The following FBN2 variants were observed in gnomAD, a reference collection of about 807,000 sequenced individuals.
FBN2 encodes the protein fibrillin-2.
A neutral mutation model predicts 355.6 loss-of-function variants in FBN2; 105 were observed. The ratio of observed to expected loss-of-function variants is 0.30; its 90% CI spans 0.25 to 0.35. FBN2 has a LOEUF of 0.35. Ranked by LOEUF, FBN2 falls within the 10% of genes least tolerant of loss-of-function variation. The probability of loss-of-function intolerance (pLI) is 1.00; values close to 1 mark genes in which losing one functional copy is unlikely to be tolerated. For missense variants in FBN2, 3,280 were observed against 3,758.7 expected (o/e 0.87, Z 3.33); for synonymous variants, 1,350 against 1,301.2 (o/e 1.04, Z -0.81).
At chr5:128,347,475 T>C (rs1751214418) in intron 23 of FBN2, among the ~76,000 whole-genome samples, 3 of 152,218 alleles carry the variant, frequency 2.0e-5, no homozygotes, top group Non-Finnish European at 4.4e-5. Flanking sequence ...GGATGGTCCA[T>C]GTTCTCTGAA....
chr5:128,514,618 T>C (rs1756230487), intron 5 of FBN2, among the ~76,000 whole-genome samples: 1 of 152,178 alleles, frequency 6.6e-6, no homozygotes, highest in Non-Finnish European at 1.5e-5. Flanking sequence ...TCTTGTATAT[T>C]CTAATTTGTA....
chr5:128,330,517 CAT>C, intron 33 of FBN2, 54 bp downstream of exon 33: 3 of 1,593,004 alleles, frequency 1.9e-6, no homozygotes, highest in Non-Finnish European at 2.6e-6. Flanking sequence ...AATAAGGAAG[CAT>C]ATAGAGTGTT....
At chr5:128,421,379 A>G (rs977919664) in intron 7 of FBN2, among the ~76,000 whole-genome samples, 1 of 152,194 alleles carries the variant, frequency 6.6e-6, no homozygotes, top group African/African-American at 2.4e-5. Flanking sequence ...TGGGAGAGAA[A>G]AGAATACATG....
chr5:128,306,530 G>A (rs992512748), intron 42 of FBN2, among the ~76,000 whole-genome samples: 3 of 152,116 alleles, frequency 2.0e-5, no homozygotes, highest in Non-Finnish European at 2.9e-5. Context: ...GCTGAGGCAG[G>A]AGAATCACTT....
chr5:128,491,303 G>C (rs1755497780), intron 5 of FBN2, among the ~76,000 whole-genome samples: 1 of 152,188 alleles, frequency 6.6e-6, no homozygotes, highest in African/African-American at 2.4e-5. Context: ...TTCTTCATCA[G>C]ACAACTTTTC....
At chr5:128,411,943 T>G (rs968787111) in intron 7 of FBN2, among the ~76,000 whole-genome samples, 3 of 152,348 alleles carry the variant, frequency 2.0e-5, no homozygotes, top group African/African-American at 7.2e-5. Flanking sequence ...TTTGGAAGTA[T>G]TATATCCACA....
intron 6 of FBN2, among the ~76,000 whole-genome samples, chr5:128,464,296 T>C (rs1430683434): frequency 6.6e-6 from 1 of 152,162 alleles, no homozygotes; most frequent in Non-Finnish European, 1.5e-5. Context: ...TTAATAATGA[T>C]AGAGGGCCAA....
chr5:128,409,813 T>G (rs1268369018), intron 7 of FBN2, among the ~76,000 whole-genome samples: 1 of 152,150 alleles, frequency 6.6e-6, no homozygotes, highest in African/African-American at 2.4e-5. Context: ...CATTTATTCT[T>G]TTAAAATGTC....
At chr5:128,344,349 C>T (rs779114138) in intron 25 of FBN2, 36 bp downstream of exon 25, 135 of 1,611,776 alleles carry the variant, frequency 8.4e-5, no homozygotes, top group Non-Finnish European at 1.1e-4. Flanking sequence ...GAAAGACAGC[C>T]AGAGTTTATC....
chr5:128,446,210 A>T lies in FBN2; in HGVS notation c.952+271T>A, dbSNP rs181566088. 1.1e-3 allele frequency: 369 copies of T among 324,906 alleles called. 1 individual carries two copies. Among genetic ancestry groups the T allele is most frequent in the African/African-American group, 7.2e-3 (343 of 47,670 alleles). 20.1% of individuals were successfully genotyped at this position (324,906 alleles called of 1,614,324 possible). ...AGTGAAATGGAAACCTACTTTATTAAGAAGAAACATAAATGGCTGGATTAC... is the reference window on the plus strand; with the variant it reads ...AGTGAAATGGAAACCTACTTTATTATGAAGAAACATAAATGGCTGGATTAC... On this transcript the variant is annotated intron_variant, in intron 7 of 64. Coordinates refer to ENST00000262464, the MANE Select transcript of FBN2 (RefSeq NM_001999.4).
rs568866810 is a variant in FBN2 at position 128,482,068 on chromosome 5, A to G, written c.629-17147T>C. Among the ~76,000 whole-genome samples, 26 of 152,306 alleles carry G rather than the reference A, an allele frequency of 1.7e-4. No individual in the cohort carries two copies. In the East Asian group the frequency reaches 4.2e-3, roughly 25 times the overall value. ...CTGAGATCCATAGGATTGTTCTAAC[A>G]TTGTTTTCAATATTGCTTCCTTTTC... On this transcript the variant is annotated intron_variant, in intron 5 of 64. Coordinates refer to ENST00000262464, the MANE Select transcript of FBN2 (RefSeq NM_001999.4).
In FBN2 at chr5:128,409,186, G is replaced by GA. The variant is rs1753006295; in HGVS notation, c.953-388dup. On this transcript the variant is annotated intron_variant, in intron 7 of 64. Transcript: ENST00000262464. ...TTTAAAATATAGAATAACTGTATTT[G>GA]AAAATGTATAACTAATTTTCACACT... Among the ~76,000 whole-genome samples, 5 of 152,244 alleles carry GA rather than the reference G, an allele frequency of 3.3e-5. No individual in the cohort carries two copies. The South Asian group carries it at 1.0e-3, about 32-fold the overall frequency.
chr5:128,302,922 C>T, intron 46 of FBN2, 51 bp downstream of exon 46: 1 of 1,037,474 alleles, frequency 9.6e-7, no homozygotes, highest in Non-Finnish European at 1.5e-6. Flanking sequence ...TATTTCAGCA[C>T]ATTGTGTGGA....
chr5:128,309,838 T>C, intron 40 of FBN2, 145 bp downstream of exon 40: 7 of 935,830 alleles, frequency 7.5e-6, no homozygotes, highest in South Asian at 6.9e-5. Context: ...AACTTGATAC[T>C]AAGCCAGCAG....
chr5:128,503,846 T>C (rs1292430587), intron 5 of FBN2, among the ~76,000 whole-genome samples: 2 of 152,050 alleles, frequency 1.3e-5, no homozygotes, highest in Non-Finnish European at 2.9e-5. Flanking sequence ...ATGGGAAAAA[T>C]GTCTCCAGGG....
rs1364205628 is a variant in FBN2, at chr5:128,416,017, T to C, written c.953-7218A>G. ...TATGACTTCTTCTGAGAAATGTCCA[T>C]AGTTTGCACTTTTTTTTTTTTTTTT... On this transcript the variant is annotated intron_variant, in intron 7 of 64. Coordinates refer to ENST00000262464, the MANE Select transcript of FBN2 (RefSeq NM_001999.4). 3.3e-5 allele frequency among the ~76,000 whole-genome samples: 5 copies of C among 151,906 alleles called. No homozygotes were observed. In the South Asian group the frequency reaches 6.2e-4, roughly 19 times the overall value.
chr5:128,283,575 G>A (rs956873889), intron 55 of FBN2, among the ~76,000 whole-genome samples: 5 of 152,200 alleles, frequency 3.3e-5, no homozygotes, highest in Admixed American at 2.6e-4. Context: ...CCAGAGTCCA[G>A]TGTCCTGGGA....
chr5:128,330,701 G>A lies in FBN2; in HGVS notation c.4223-6C>T. ...ATTAGAACATTCGTCCAGATCTGCA[G>A]AACACAGCAATAAAGTTCAGAAATG... On this transcript the variant is annotated splice_region_variant and splice_polypyrimidine_tract_variant and intron_variant, in intron 32 of 64. Coordinates refer to ENST00000262464, the MANE Select transcript of FBN2 (RefSeq NM_001999.4). 1 of 1,613,836 alleles carries A rather than the reference G, an allele frequency of 6.2e-7. No homozygotes were observed. Among genetic ancestry groups the A allele is most frequent in the Non-Finnish European group, 8.5e-7 (1 of 1,179,784 alleles).
In FBN2 at chr5:128,274,548, AT is replaced by A. The variant is rs1765341891; in HGVS notation, c.7711+18del. On this transcript the variant is annotated intron_variant, in intron 60 of 64. Transcript: ENST00000262464. ...CTACTAGAAGTTTGTAAAATTTCCC[AT>A]TTGTAACTTTGTCTTACCGATACAA... is the stretch of plus-strand genomic sequence containing the variant. 1 of 1,399,042 alleles carries A rather than the reference AT, an allele frequency of 7.1e-7. No homozygotes were observed. Among genetic ancestry groups the A allele is most frequent in the African/African-American group, 1.4e-5 (1 of 70,814 alleles). 86.7% of individuals were successfully genotyped at this position (1,399,042 alleles called of 1,614,324 possible).
Sources: allele counts gnomAD v4.1 joint callset (sites outside exome capture counted in the v4.1 genomes callset), GRCh38; gene constraint gnomAD v4.1.1; transcripts MANE v1.5; gene names NCBI Gene and HGNC (gene_info 2026-07-23, HGNC 2026-07-21).